LYN: variants seen among roughly 807,000 people sequenced by gnomAD.
The protein encoded by LYN is tyrosine-protein kinase Lyn.
Under a neutral mutation model 65.0 loss-of-function variants are expected in LYN, and 12 were observed. The observed-to-expected ratio is 0.18, with a 90% CI of 0.12 to 0.30. LYN has a LOEUF of 0.30. LYN is among the 10% of genes least tolerant of loss of function. LYN has a pLI of 1.00. For missense variants in LYN, 380 were observed against 623.2 expected (o/e 0.61, Z 4.16); for synonymous variants, 222 against 221.2 (o/e 1.00, Z -0.03).
chr8:55,911,155 ATG>A lies in LYN; in HGVS notation c.-5-30698_-5-30697del, dbSNP rs376406888. On this transcript the variant is annotated intron_variant, in intron 1 of 12. Transcript: ENST00000519728. ...CATACATATATATACGTGTATATAT[ATG>A]TACATATATATACACGTATATATAT... Among the ~76,000 whole-genome samples, 55 of 25,822 alleles carry A rather than the reference ATG, an allele frequency of 2.1e-3. No homozygotes were observed. In the Middle Eastern group the frequency reaches 0.047, roughly 22 times the overall value. The allele number at this position is 25,822 out of a possible 152,430, so 16.9% of individuals were successfully genotyped here.
chr8:55,909,935 T>C (rs1435320674), intron 1 of LYN, among the ~76,000 whole-genome samples: 1 of 152,054 alleles, frequency 6.6e-6, no homozygotes, highest in Non-Finnish European at 1.5e-5. Context: ...TTGAAAAATA[T>C]GTATTCATGT....
At chr8:55,890,273 C>G (rs1804920705) in intron 1 of LYN, among the ~76,000 whole-genome samples, 1 of 152,046 alleles carries the variant, frequency 6.6e-6, no homozygotes, top group African/African-American at 2.4e-5. Flanking sequence ...GATTACACCA[C>G]CACACTCCAT....
chr8:55,960,807 T>C (rs1395740378), intron 8 of LYN, among the ~76,000 whole-genome samples: 1 of 152,204 alleles, frequency 6.6e-6, no homozygotes, highest in Non-Finnish European at 1.5e-5. Context: ...TGGCTTGAAA[T>C]GCAGTGAACA....
At chr8:55,905,632 G>A (rs1406665852) in intron 1 of LYN, among the ~76,000 whole-genome samples, 1 of 152,152 alleles carries the variant, frequency 6.6e-6, no homozygotes, top group Non-Finnish European at 1.5e-5. Context: ...AGGATGGATA[G>A]TTTCCCAGGG....
At chr8:55,901,426 C>T (rs758910062) in intron 1 of LYN, among the ~76,000 whole-genome samples, 11 of 152,088 alleles carry the variant, frequency 7.2e-5, no homozygotes, top group Non-Finnish European at 1.3e-4. Context: ...TTTAATTGAA[C>T]GGTTTCATCT....
At chr8:55,902,334 T>TC (rs375257874) in intron 1 of LYN, among the ~76,000 whole-genome samples, 103 of 148,958 alleles carry the variant, frequency 6.9e-4, no homozygotes, top group Admixed American at 1.5e-3. Flanking sequence ...TTTCTTTCTT[T>TC]TTTTTTTTTT....
intron 1 of LYN, among the ~76,000 whole-genome samples, chr8:55,909,963 A>T: frequency 7.1e-6 from 1 of 140,988 alleles, no homozygotes; most frequent in African/African-American, 2.6e-5. Flanking sequence ...CCACTTTTTA[A>T]TGGGGTTGTT....
chr8:55,995,766 G>A (rs1295379630), intron 10 of LYN, among the ~76,000 whole-genome samples: 1 of 152,186 alleles, frequency 6.6e-6, no homozygotes, highest in African/African-American at 2.4e-5. Flanking sequence ...TGAGGAGGTG[G>A]AGGGCTGAGC....
intron 8 of LYN, among the ~76,000 whole-genome samples, chr8:55,954,712 G>A (rs1807053001): frequency 6.6e-6 from 1 of 152,058 alleles, no homozygotes; most frequent in Non-Finnish European, 1.5e-5. Context: ...GTATGTGCCT[G>A]TAGTTCCAGC....
At chr8:55,922,870 C>G (rs1156250915) in intron 1 of LYN, among the ~76,000 whole-genome samples, 1 of 152,062 alleles carries the variant, frequency 6.6e-6, no homozygotes, top group Non-Finnish European at 1.5e-5. Context: ...CCTCAGCAAC[C>G]TGGGATGGTT....
At chr8:55,912,770 C>T (rs1317502762) in intron 1 of LYN, among the ~76,000 whole-genome samples, 3 of 150,710 alleles carry the variant, frequency 2.0e-5, no homozygotes, top group African/African-American at 7.3e-5. Context: ...GAAATTCCTT[C>T]ATTATAAGGA....
intron 6 of LYN, 99 bp from the exon 7 acceptor site, chr8:55,951,867 T>C: frequency 1.1e-6 from 1 of 894,170 alleles, no homozygotes; most frequent in Non-Finnish European, 1.7e-6. Flanking sequence ...AATATATGTA[T>C]TTTGCATATT....
chr8:55,929,835 A>G (rs540176312), intron 1 of LYN, among the ~76,000 whole-genome samples: 26 of 152,306 alleles, frequency 1.7e-4, no homozygotes, highest in Middle Eastern at 3.4e-3. Context: ...ATTTATATCC[A>G]TGGATATGTT....
intron 1 of LYN, among the ~76,000 whole-genome samples, chr8:55,886,966 A>G (rs1804814857): frequency 6.6e-6 from 1 of 152,232 alleles, no homozygotes. Flanking sequence ...TCTATCAAAC[A>G]GTATATTTGT....
At chr8:55,983,691 C>G (rs931148892) in intron 10 of LYN, among the ~76,000 whole-genome samples, 1 of 152,150 alleles carries the variant, frequency 6.6e-6, no homozygotes, top group Non-Finnish European at 1.5e-5. Flanking sequence ...CCTCATGGCA[C>G]GTTTTCCTCA....
chr8:56,007,764 T>A (rs1808709463), intron 12 of LYN, among the ~76,000 whole-genome samples: 1 of 152,210 alleles, frequency 6.6e-6, no homozygotes, highest in African/African-American at 2.4e-5. Flanking sequence ...CATATTGACC[T>A]TTCCTATGTG....
Position 55,953,820 on chromosome 8 carries a change from C to G in LYN, c.638-12C>G. 6.2e-7 allele frequency: 1 copy of G among 1,610,756 alleles called. No homozygotes were observed. The highest frequency in any genetic ancestry group is 8.5e-7 in the Non-Finnish European group (1 of 1,178,812). The stretch of plus-strand genomic sequence containing the variant: ...TGCATTTCTTAACCTTCATTTTTCC[C>G]TTTCAAATTAGAGCAGGCAGATGGC... On this transcript the variant is annotated splice_polypyrimidine_tract_variant and intron_variant, in intron 7 of 12. Coordinates refer to ENST00000519728, the MANE Select transcript of LYN (RefSeq NM_002350.4).
intron 12 of LYN, among the ~76,000 whole-genome samples, chr8:56,003,518 A>C (rs1041064599): frequency 5.9e-5 from 9 of 152,126 alleles, no homozygotes; most frequent in African/African-American, 2.2e-4. Flanking sequence ...TACAAAAAAA[A>C]TTAGCCCGGC....
chr8:55,917,454 G>A (rs1387797865), intron 1 of LYN, among the ~76,000 whole-genome samples: 1 of 152,186 alleles, frequency 6.6e-6, no homozygotes, highest in East Asian at 1.9e-4. Context: ...ACAGTGCTGG[G>A]ATTATAGGCA....
Sources: gnomAD v4.1 joint callset for allele counts (sites outside exome capture counted in the v4.1 genomes callset) on GRCh38, gnomAD v4.1.1 for gene constraint, MANE v1.5 for transcripts, NCBI Gene and HGNC (gene_info 2026-07-23, HGNC 2026-07-21) for gene names.